NXPH1: variants seen among roughly 807,000 people sequenced by gnomAD.
NXPH1 encodes the protein neurexophilin-1.
Under a neutral mutation model 23.7 loss-of-function variants are expected in NXPH1, and 5 were observed. The observed-to-expected ratio is 0.21, with a 90% CI of 0.11 to 0.44. The LOEUF (loss-of-function observed/expected upper bound fraction) is 0.44. Ranked by LOEUF, NXPH1 falls within the 20% of genes least tolerant of loss-of-function variation. NXPH1 has a pLI of 0.99. For missense variants in NXPH1, 324 were observed against 321.6 expected (o/e 1.01, Z -0.06); for synonymous variants, 144 against 122.2 (o/e 1.18, Z -1.18).
chr7:8,596,626 C>A (rs1335149751), intron 2 of NXPH1, among the ~76,000 whole-genome samples: 1 of 152,084 alleles, frequency 6.6e-6, no homozygotes, highest in African/African-American at 2.4e-5. Flanking sequence ...TATGCTAAAG[C>A]TTTATAGAAA....
At chr7:8,516,992 A>G (rs1817696990) in intron 2 of NXPH1, among the ~76,000 whole-genome samples, 1 of 152,162 alleles carries the variant, frequency 6.6e-6, no homozygotes, top group South Asian at 2.1e-4. Flanking sequence ...ACATCTAAGA[A>G]AGCATGTATA....
rs551707515 is a variant in NXPH1, at chr7:8,711,627, G to A, written c.55-39381G>A. ...GAAGAGTATGCATGCTTTTTTTGGGGTATGGGAAGAAAGCTATCACTTGGG... is the reference window on the plus strand; with the variant it reads ...GAAGAGTATGCATGCTTTTTTTGGGATATGGGAAGAAAGCTATCACTTGGG... On this transcript the variant is annotated intron_variant, in intron 2 of 2. Coordinates refer to ENST00000405863, the MANE Select transcript of NXPH1 (RefSeq NM_152745.3). Among the ~76,000 whole-genome samples, 7 of 152,250 alleles carry A rather than the reference G, an allele frequency of 4.6e-5. No individual in the cohort carries two copies. The South Asian group carries it at 1.5e-3, about 32-fold the overall frequency.
chr7:8,526,879 A>G (rs921389679), intron 2 of NXPH1, among the ~76,000 whole-genome samples: 3 of 152,202 alleles, frequency 2.0e-5, no homozygotes, highest in African/African-American at 7.2e-5. Context: ...TCTCAGCAGA[A>G]GTAAGGCACA....
At chr7:8,587,256 T>G (rs1304060102) in intron 2 of NXPH1, among the ~76,000 whole-genome samples, 2 of 151,984 alleles carry the variant, frequency 1.3e-5, no homozygotes, top group Non-Finnish European at 2.9e-5. Flanking sequence ...CTAATTCTTA[T>G]TCACAGTGCT....
intron 2 of NXPH1, among the ~76,000 whole-genome samples, chr7:8,594,507 T>C (rs1819172455): frequency 6.6e-6 from 1 of 152,056 alleles, no homozygotes; most frequent in Non-Finnish European, 1.5e-5. Context: ...TCTATGTGCC[T>C]ATAAAGCAGC....
At chr7:8,543,708 T>A (rs1818152829) in intron 2 of NXPH1, among the ~76,000 whole-genome samples, 1 of 151,686 alleles carries the variant, frequency 6.6e-6, no homozygotes, top group Non-Finnish European at 1.5e-5. Context: ...TATATTTTTA[T>A]GTCAACAGGT....
intron 2 of NXPH1, among the ~76,000 whole-genome samples, chr7:8,651,542 A>G (rs985191363): frequency 1.8e-4 from 27 of 151,832 alleles, no homozygotes; most frequent in African/African-American, 4.8e-4. Context: ...CTGAGGAATC[A>G]CCACACTGAC....
chr7:8,724,761 C>A (rs1397471316), intron 2 of NXPH1, among the ~76,000 whole-genome samples: 1 of 152,206 alleles, frequency 6.6e-6, no homozygotes, highest in African/African-American at 2.4e-5. Context: ...AGTTTTGTGT[C>A]TGATTAACTT....
At chr7:8,620,372 A>C (rs914183127) in intron 2 of NXPH1, among the ~76,000 whole-genome samples, 6 of 152,082 alleles carry the variant, frequency 3.9e-5, no homozygotes, top group African/African-American at 1.4e-4. Context: ...AGCTGACAAC[A>C]ATTCTGACCC....
At chr7:8,530,560 G>A (rs535132375) in intron 2 of NXPH1, among the ~76,000 whole-genome samples, 1 of 152,324 alleles carries the variant, frequency 6.6e-6, no homozygotes, top group South Asian at 2.1e-4. Flanking sequence ...AGTTGCTCCA[G>A]AAGGTCGTCT....
chr7:8,711,327 G>A (rs945410620), intron 2 of NXPH1, among the ~76,000 whole-genome samples: 1 of 152,102 alleles, frequency 6.6e-6, no homozygotes, highest in African/African-American at 2.4e-5. Flanking sequence ...TCCAGCATGG[G>A]TTAGACATAT....
chr7:8,472,434 G>C (rs564130111), intron 2 of NXPH1, among the ~76,000 whole-genome samples: 2 of 152,312 alleles, frequency 1.3e-5, no homozygotes, highest in South Asian at 4.1e-4. Flanking sequence ...ACAAATGAGA[G>C]ACTGAGCCAA....
chr7:8,737,605 G>A (rs1780284254), intron 2 of NXPH1, among the ~76,000 whole-genome samples: 1 of 152,106 alleles, frequency 6.6e-6, no homozygotes, highest in Non-Finnish European at 1.5e-5. Flanking sequence ...TGACAATTAT[G>A]TGTCTTGGGA....
chr7:8,751,729 A>G lies in NXPH1; in HGVS notation c.776A>G (p.Tyr259Cys). 6.2e-7 allele frequency: 1 copy of G among 1,612,662 alleles called. No individual in the cohort carries two copies. The highest frequency in any genetic ancestry group is 8.5e-7 in the Non-Finnish European group (1 of 1,179,374). The change falls in exon 3 of 3, where the codon TAC (tyrosine) becomes TGC (cysteine). Residue 259 changes from tyrosine to cysteine, a missense_variant. Coordinates refer to ENST00000405863, the MANE Select transcript of NXPH1 (RefSeq NM_152745.3). The surrounding 1 kb of genome is among the most constrained non-coding windows in gnomAD (Gnocchi z 4.5). ...YKLVQKVCPD[Y>C]NYHSDTPYFP... ...CTGGTACAGAAAGTGTGCCCTGACT[A>G]CAACTACCACAGTGACACACCTTAC...
Position 8,678,772 on chromosome 7 carries a change from G to GA in NXPH1, c.55-72226dup, listed in dbSNP as rs376845359. Among the ~76,000 whole-genome samples, 1,115 of 147,862 alleles carry GA rather than the reference G, an allele frequency of 7.5e-3. 10 individuals carry two copies. The highest frequency in any genetic ancestry group is 0.023 in the African/African-American group (910 of 40,104). Reference sequence around the variant, plus strand: ...GGTCTGCACATGAACTACTCCTAGGGAAAAAAAAAATAGTCCTCTTGTTGT... The same window carrying GA: ...GGTCTGCACATGAACTACTCCTAGGGAAAAAAAAAAATAGTCCTCTTGTTGT... On this transcript the variant is annotated intron_variant, in intron 2 of 2. Coordinates refer to ENST00000405863, the MANE Select transcript of NXPH1 (RefSeq NM_152745.3).
At chr7:8,552,007 T>C (rs1342105646) in intron 2 of NXPH1, among the ~76,000 whole-genome samples, 3 of 150,630 alleles carry the variant, frequency 2.0e-5, no homozygotes, top group Non-Finnish European at 4.4e-5. Flanking sequence ...ACAGTTTGCT[T>C]AGCTGCAAAA....
intron 2 of NXPH1, among the ~76,000 whole-genome samples, chr7:8,609,816 T>C (rs1185782648): frequency 6.6e-6 from 1 of 152,162 alleles, no homozygotes; most frequent in Non-Finnish European, 1.5e-5. Context: ...TTCCCTTATA[T>C]TTTGCTGTTC....
At chr7:8,471,833 C>A (rs1253252731) in intron 2 of NXPH1, among the ~76,000 whole-genome samples, 1 of 151,946 alleles carries the variant, frequency 6.6e-6, no homozygotes, top group Non-Finnish European at 1.5e-5. Flanking sequence ...ATCTTAAATT[C>A]TTTTCATTTA....
chr7:8,603,437 G>A (rs901955008), intron 2 of NXPH1, among the ~76,000 whole-genome samples: 1 of 151,938 alleles, frequency 6.6e-6, no homozygotes, highest in African/African-American at 2.4e-5. Context: ...TGCTCAGCTG[G>A]ACACATTGTC....
Sources: allele counts gnomAD v4.1 joint callset (sites outside exome capture counted in the v4.1 genomes callset), GRCh38; gene constraint gnomAD v4.1.1; non-coding constraint Gnocchi (gnomAD v3.1); transcripts MANE v1.5; gene names NCBI Gene and HGNC (gene_info 2026-07-23, HGNC 2026-07-21).